The following ADRM1 variants were observed in gnomAD, a reference collection of about 807,000 sequenced individuals.
The protein encoded by ADRM1 is proteasomal ubiquitin receptor ADRM1.
ADRM1 carries 2 observed loss-of-function variants against 40.1 expected under a neutral mutation model. The observed-to-expected ratio is 0.05, with a 90% confidence interval of 0.02 to 0.16. The LOEUF is 0.16. ADRM1 is among the 10% of genes least tolerant of loss of function. The pLI is 1.00. For synonymous variants in ADRM1, 287 were observed against 240.4 expected (o/e 1.19, Z -1.79); for missense variants, 467 against 552.5 (o/e 0.85, Z 1.55).
chr20:62,306,097 G>T (rs561675804), intron 3 of ADRM1, 100 bp from the exon 4 acceptor site: 1 of 1,507,022 alleles, frequency 6.6e-7, no homozygotes. Flanking sequence ...GCGCCTCTGC[G>T]TCTCAGGTCC....
intron 4 of ADRM1, 70 bp from the exon 5 acceptor site, chr20:62,306,578 C>G: frequency 6.8e-7 from 1 of 1,461,730 alleles, no homozygotes; most frequent in South Asian, 1.3e-5. Context: ...TCAGCAGAGG[C>G]GCAGGCAGTG....
chr20:62,307,575 C>G (rs372205691), intron 6 of ADRM1, 21 bp from the exon 7 acceptor site: 10 of 1,606,006 alleles, frequency 6.2e-6, no homozygotes, highest in Non-Finnish European at 8.5e-6. Flanking sequence ...TCCGCTCCAG[C>G]GGTGCCCTCT....
Position 62,303,798 on chromosome 20 carries a change from C to T in ADRM1, c.213+17C>T, listed in dbSNP as rs373147735. 114 of 1,606,118 alleles carry T rather than the reference C, an allele frequency of 7.1e-5. No homozygotes were observed. Among genetic ancestry groups the T allele is most frequent in the Non-Finnish European group, 9.1e-5 (107 of 1,177,982 alleles). On this transcript the variant is annotated intron_variant, in intron 2 of 9. Coordinates refer to ENST00000253003, the MANE Select transcript of ADRM1 (RefSeq NM_007002.4). ...GTGGAAGACGTGAGTGTCCCTGAGC[C>T]GCAGCAGCAGGACAGGCGACTTCTC...
chr20:62,306,740 G>T lies in ADRM1; in HGVS notation c.541+6G>T. 6.2e-7 allele frequency: 1 copy of T among 1,600,040 alleles called. No homozygotes were observed. The highest frequency in any genetic ancestry group is 8.5e-7 in the Non-Finnish European group (1 of 1,172,558). ...AGCCGGCCTTGGAGGACTGGGTAACGTGCGCCACCCGGGCTCTCGGGCAGC... is the reference window on the plus strand; with the variant it reads ...AGCCGGCCTTGGAGGACTGGGTAACTTGCGCCACCCGGGCTCTCGGGCAGC... On this transcript the variant is annotated splice_donor_region_variant and intron_variant, in intron 5 of 9. Coordinates refer to ENST00000253003, the MANE Select transcript of ADRM1 (RefSeq NM_007002.4).
chr20:62,304,254 C>T, intron 2 of ADRM1: 1 of 573,688 alleles, frequency 1.7e-6, no homozygotes, highest in Admixed American at 3.0e-5. Flanking sequence ...GCCCCTTTCC[C>T]TGCTCTCTCC....
In ADRM1 at chr20:62,307,995, C is replaced by G. The variant is rs778095992; in HGVS notation, c.857-26C>G. ...TGTGGGCACTTAGGCTGTCATCGAGCTGATGGCCGTGTTCTTGTGCCCCAG... is the reference window on the plus strand; with the variant it reads ...TGTGGGCACTTAGGCTGTCATCGAGGTGATGGCCGTGTTCTTGTGCCCCAG... On this transcript the variant is annotated intron_variant, in intron 7 of 9. Coordinates refer to ENST00000253003, the MANE Select transcript of ADRM1 (RefSeq NM_007002.4). The G allele has an allele frequency of 1.9e-6, 3 of 1,599,752 alleles. No individual in the cohort carries two copies. The Admixed American group carries it at 5.0e-5, about 27-fold the overall frequency.
chr20:62,303,413 G>A, intron 1 of ADRM1, 155 bp from the exon 2 acceptor site: 2 of 733,368 alleles, frequency 2.7e-6, no homozygotes, highest in East Asian at 2.8e-5. Flanking sequence ...CGTCGTGAGC[G>A]GGGCAAACGC....
chr20:62,308,522 C>G lies in ADRM1; in HGVS notation c.1117+52C>G, dbSNP rs774458082. ...GCCAGAGCCAGGGGCAGGGTCCATT[C>G]CTGTCCCCCTGGATCTGCAGAAGTG... On this transcript the variant is annotated intron_variant, in intron 9 of 9. Coordinates refer to ENST00000253003, the MANE Select transcript of ADRM1 (RefSeq NM_007002.4). 5 of 1,564,220 alleles carry G rather than the reference C, an allele frequency of 3.2e-6. No homozygotes were observed. The Middle Eastern group carries it at 5.0e-4, about 157-fold the overall frequency.
chr20:62,307,311 C>T, intron 5 of ADRM1, 60 bp from the exon 6 acceptor site: 1 of 1,506,676 alleles, frequency 6.6e-7, no homozygotes, highest in South Asian at 1.2e-5. Context: ...TGGGGAGGGG[C>T]CAGGCTCTTT....
rs1273020019 is a variant in ADRM1 at position 62,306,495 on chromosome 20, G to A, written c.455-153G>A. 8 of 1,289,038 alleles carry A rather than the reference G, an allele frequency of 6.2e-6. No homozygotes were observed. The East Asian group carries it at 7.5e-5, about 12-fold the overall frequency. 79.9% of individuals were successfully genotyped at this position (1,289,038 alleles called of 1,614,324 possible). ...CACTCCCACCTTCACGGGGTAGGAC[G>A]GGTCTGCATCCCACCGTCGCCTCAC... On this transcript the variant is annotated intron_variant, in intron 4 of 9. Coordinates refer to ENST00000253003, the MANE Select transcript of ADRM1 (RefSeq NM_007002.4).
intron 3 of ADRM1, 143 bp from the exon 4 acceptor site, chr20:62,306,054 C>T: frequency 8.7e-7 from 1 of 1,144,984 alleles, no homozygotes; most frequent in Non-Finnish European, 1.2e-6. Flanking sequence ...TGGGCCGGGT[C>T]CTGTCTCCTC....
intron 7 of ADRM1, 66 bp downstream of exon 7, chr20:62,307,894 C>A: frequency 6.4e-7 from 1 of 1,553,928 alleles, no homozygotes. Flanking sequence ...GCACGCTCAC[C>A]TTCCAAGGCA....
chr20:62,306,059 C>T (rs1984902485), intron 3 of ADRM1, 138 bp from the exon 4 acceptor site: 2 of 1,210,994 alleles, frequency 1.7e-6, no homozygotes, highest in Non-Finnish European at 2.3e-6. Flanking sequence ...CGGGTCCTGT[C>T]TCCTCAGCAT....
chr20:62,304,195 G>A lies in ADRM1; in HGVS notation c.214-266G>A. On this transcript the variant is annotated intron_variant, in intron 2 of 9. Transcript: ENST00000253003. ...TCAGCGTTGACTTTTTAACTACTCT[G>A]GGAATGTTGTTTCCAGCACGTCTCA... 4 of 518,074 alleles carry A rather than the reference G, an allele frequency of 7.7e-6. No homozygotes were observed. The South Asian group carries it at 8.5e-5, about 11-fold the overall frequency. 32.1% of individuals were successfully genotyped at this position (518,074 alleles called of 1,614,324 possible). A position where few individuals can be genotyped will look rare whatever the true frequency, so the allele number is the denominator to read the frequency against.
At chr20:62,306,973 C>T (rs867491949) in intron 5 of ADRM1, among the ~76,000 whole-genome samples, 11 of 151,930 alleles carry the variant, frequency 7.2e-5, no homozygotes, top group African/African-American at 2.4e-4. Context: ...GGTGGCTGGC[C>T]GAGCGGTGGG....
intron 2 of ADRM1, chr20:62,304,216 T>C (rs914564115): frequency 2.6e-5 from 14 of 538,796 alleles, no homozygotes; most frequent in Non-Finnish European, 4.4e-5. Flanking sequence ...TTCCAGCACG[T>C]CTCAGAAACC....
In ADRM1 at chr20:62,307,600, C is replaced by T. The variant is rs1568874765; in HGVS notation, c.628C>T (p.Arg210Trp). 9.3e-6 allele frequency: 15 copies of T among 1,610,528 alleles called. No individual in the cohort carries two copies. Among genetic ancestry groups the T allele is most frequent in the East Asian group, 2.2e-5 (1 of 44,856 alleles). The change falls in exon 7 of 10, where the codon CGG becomes TGG. Residue 210 changes from arginine to tryptophan, a missense_variant. Transcript: ENST00000253003. ...CGGTGCCCTCTCTCTTCGCAGCTCC[C>T]GGAGCCAGTCGGCAGCGGTCACCCC... The part of the protein sequence containing the change: ...PPGSSSSSSS[R>W]SQSAAVTPSS...
chr20:62,307,350 G>C (rs780210308), intron 5 of ADRM1, 21 bp from the exon 6 acceptor site: 19 of 1,594,324 alleles, frequency 1.2e-5, no homozygotes, highest in Non-Finnish European at 1.6e-5. Flanking sequence ...TCCTGAGCTC[G>C]CATTTCCTTG....
chr20:62,305,897 C>G, intron 3 of ADRM1: 1 of 363,012 alleles, frequency 2.8e-6, no homozygotes, highest in Admixed American at 4.0e-5. Flanking sequence ...AGGGCTTGGT[C>G]TGGCAGCAGC....
Sources: allele counts gnomAD v4.1 joint callset (sites outside exome capture counted in the v4.1 genomes callset), GRCh38; gene constraint gnomAD v4.1.1; transcripts MANE v1.5; gene names NCBI Gene and HGNC (gene_info 2026-07-23, HGNC 2026-07-21).